The following PCDH15 variants were observed in gnomAD, a reference collection of about 807,000 sequenced individuals.
PCDH15 encodes the protein protocadherin-15.
PCDH15 carries 129 observed loss-of-function variants against 178.5 expected under a neutral mutation model. That is an observed-to-expected ratio of 0.72 (90% CI 0.63 to 0.84). The LOEUF (loss-of-function observed/expected upper bound fraction) is 0.84. Among genes scored for constraint, PCDH15 ranks in the 40% least tolerant of loss-of-function variants. The pLI is 0.00. For missense variants in PCDH15, 2,230 were observed against 2,099.9 expected, an observed-to-expected ratio of 1.06 and a Z score of -1.21; for synonymous variants, 800 against 732.0, an observed-to-expected ratio of 1.09 and a Z score of -1.50.
chr10:54,199,355 C>T (rs1020200), intron 10 of PCDH15, among the ~76,000 whole-genome samples: 34,085 of 151,822 alleles, frequency 0.22, 5,789 homozygotes, highest in African/African-American at 0.48. Flanking sequence ...GCCACATAGG[C>T]TGTAAGTTAC....
At chr10:55,350,268 T>TATATATATATATACAC (rs1327352441) in intron 2 of PCDH15, among the ~76,000 whole-genome samples, 1 of 56,770 alleles carries the variant, frequency 1.8e-5, no homozygotes, top group Non-Finnish European at 3.2e-5. Context: ...TATATATATA[T>TATATATATATATACAC]ACACACACAC....
chr10:53,964,586 A>G (rs1671406629), intron 21 of PCDH15, among the ~76,000 whole-genome samples: 1 of 151,698 alleles, frequency 6.6e-6, no homozygotes, highest in Non-Finnish European at 1.5e-5. Flanking sequence ...AGACACTTCA[A>G]CTGATATCTA....
intron 8 of PCDH15, among the ~76,000 whole-genome samples, chr10:54,270,498 G>C (rs548947335): frequency 2.6e-5 from 4 of 152,118 alleles, no homozygotes; most frequent in Non-Finnish European, 5.9e-5. Context: ...GTATGGGTAA[G>C]TTGGGGGTCA....
At chr10:54,461,596 T>C (rs1389293809) in intron 3 of PCDH15, among the ~76,000 whole-genome samples, 1 of 152,180 alleles carries the variant, frequency 6.6e-6, no homozygotes, top group Admixed American at 6.6e-5. Flanking sequence ...ACTGCTTAGA[T>C]ATTAAATAGC....
chr10:54,913,714 G>T (rs1476880357), intron 2 of PCDH15, among the ~76,000 whole-genome samples: 1 of 152,210 alleles, frequency 6.6e-6, no homozygotes, highest in Non-Finnish European at 1.5e-5. Context: ...GATCTACCCT[G>T]CAGAGCCACA....
At chr10:55,605,654 T>G (rs1258913615) in intron 2 of PCDH15, among the ~76,000 whole-genome samples, 4 of 141,988 alleles carry the variant, frequency 2.8e-5, no homozygotes, top group African/African-American at 1.1e-4. Context: ...ACCACATGAT[T>G]ATCTCAATAG....
At chr10:53,985,770 C>T (rs1201552184) in intron 21 of PCDH15, among the ~76,000 whole-genome samples, 1 of 151,940 alleles carries the variant, frequency 6.6e-6, no homozygotes, top group Non-Finnish European at 1.5e-5. Flanking sequence ...GGACCTCTGA[C>T]CTTTACAGGA....
In PCDH15 at chr10:54,825,449, G is replaced by A. The variant is rs376701477; in HGVS notation, c.-29+72001C>T. Among the ~76,000 whole-genome samples the A allele has an allele frequency of 3.4e-3, 497 of 145,266 alleles. 1 individual carries two copies. Among genetic ancestry groups the A allele is most frequent in the African/African-American group, 0.01 (391 of 38,856 alleles). On this transcript the variant is annotated intron_variant, in intron 3 of 5. Transcript: ENST00000458638. ...TTCTAGATCCCTGAGGAATCGCCAC[G>A]CTGACTTCCACAATGGTTGAACTAG... is the stretch of plus-strand genomic sequence containing the variant.
intron 8 of PCDH15, among the ~76,000 whole-genome samples, chr10:54,297,796 G>A (rs2059896197): frequency 6.6e-6 from 1 of 152,166 alleles, no homozygotes; most frequent in Non-Finnish European, 1.5e-5. Flanking sequence ...GTATATAGGT[G>A]TCCTACAGGG....
chr10:53,808,135 ATTGAATTCCTAATAC>A (rs2075724809), intron 37 of PCDH15: 1 of 152,152 alleles, frequency 6.6e-6, no homozygotes, highest in Non-Finnish European at 1.5e-5. Context: ...ATGTTATTTC[ATTGAATTCCTAATAC>A]TTGAAGTTGC....
At chr10:53,923,282 G>C (rs745739288) in intron 25 of PCDH15, among the ~76,000 whole-genome samples, 2 of 152,030 alleles carry the variant, frequency 1.3e-5, no homozygotes, top group East Asian at 3.9e-4. Flanking sequence ...GACTAATTAG[G>C]TACAAGATAC....
intron 2 of PCDH15, among the ~76,000 whole-genome samples, chr10:55,490,456 T>C (rs1840387152): frequency 6.6e-6 from 1 of 151,828 alleles, no homozygotes; most frequent in South Asian, 2.1e-4. Flanking sequence ...TAAATAATTT[T>C]ATTTTCTCAC....
intron 9 of PCDH15, among the ~76,000 whole-genome samples, chr10:54,229,033 A>G (rs2053773507): frequency 6.7e-6 from 1 of 150,216 alleles, no homozygotes; most frequent in Non-Finnish European, 1.5e-5. Flanking sequence ...CACCAAACTA[A>G]TGCTCAAAAA....
intron 2 of PCDH15, among the ~76,000 whole-genome samples, chr10:55,325,573 A>G (rs984834675): frequency 1.3e-5 from 2 of 152,160 alleles, no homozygotes; most frequent in African/African-American, 4.8e-5. Flanking sequence ...TCAACTCAAA[A>G]TGGATTGAAG....
intron 3 of PCDH15, among the ~76,000 whole-genome samples, chr10:54,850,020 G>A (rs1464067648): frequency 6.6e-6 from 1 of 152,058 alleles, no homozygotes; most frequent in Admixed American, 6.6e-5. Flanking sequence ...CATGTTCACA[G>A]AGATTCTGAG....
intron 1 of PCDH15, among the ~76,000 whole-genome samples, chr10:55,288,212 G>GA (rs199901208): frequency 0.013 from 1,953 of 147,738 alleles, 23 homozygotes; most frequent in Non-Finnish European, 0.021. Flanking sequence ...CTAACTTGAA[G>GA]AAAAAAAAAT....
intron 1 of PCDH15, among the ~76,000 whole-genome samples, chr10:55,250,908 C>T (rs543900615): frequency 1.3e-5 from 2 of 152,100 alleles, no homozygotes; most frequent in South Asian, 4.2e-4. Context: ...ATTAAATTAT[C>T]AATATTACAA....
chr10:53,825,234 A>C (rs1305380995), intron 32 of PCDH15: 4 of 1,400,744 alleles, frequency 2.9e-6, no homozygotes, highest in Non-Finnish European at 3.7e-6. Flanking sequence ...AAATATGAGC[A>C]GGAACTTGCT....
In PCDH15 at chr10:53,938,907, G is replaced by T. The variant is rs574414006; in HGVS notation, c.3281C>A (p.Pro1094His). ...NITGVIYVNG[P>H]LDYETRTSYV... ...GCTTGTCCTGGTCTCATAATCCAGA[G>T]GTCCATTCACATAGATAACACCTGT... Residue 1094 changes from proline (P) to histidine (H), a missense_variant, in exon 25 of 38, where the codon CCT becomes CAT. Physicochemically the swap from Pro to His is moderately conservative, Grantham distance 77. Transcript: ENST00000644397. The T allele has an allele frequency of 1.9e-6, 3 of 1,613,292 alleles. No homozygotes were observed. The highest frequency in any genetic ancestry group is 1.3e-5 in the African/African-American group (1 of 75,004).
Sources: gnomAD v4.1 joint callset for allele counts (sites outside exome capture counted in the v4.1 genomes callset) on GRCh38, gnomAD v4.1.1 for gene constraint, MANE v1.5 for transcripts, NCBI Gene and HGNC (gene_info 2026-07-23, HGNC 2026-07-21) for gene names.